ESRRG: variants seen among roughly 807,000 people sequenced by gnomAD.
ESRRG encodes estrogen related receptor gamma.
A neutral mutation model predicts 44.0 loss-of-function variants in ESRRG; 13 were observed. That is an observed-to-expected ratio of 0.30 (90% CI 0.19 to 0.47). ESRRG has a LOEUF of 0.47. Ranked by LOEUF, ESRRG falls within the 20% of genes least tolerant of loss-of-function variation. The probability of loss-of-function intolerance (pLI) is 1.00; values close to 1 mark genes in which losing one functional copy is unlikely to be tolerated. For synonymous variants in ESRRG, 215 were observed against 214.6 expected, an observed-to-expected ratio of 1.00 and a Z score of -0.02; for missense variants, 395 against 580.6, an observed-to-expected ratio of 0.68 and a Z score of 3.29.
At chr1:216,840,919 T>C (rs1220795195) in intron 2 of ESRRG, among the ~76,000 whole-genome samples, 2 of 151,956 alleles carry the variant, frequency 1.3e-5, no homozygotes, top group Non-Finnish European at 2.9e-5. Flanking sequence ...ATAATAATAA[T>C]GGGAAAGTTT....
chr1:216,887,417 C>T (rs1386366490), intron 2 of ESRRG, among the ~76,000 whole-genome samples: 2 of 152,174 alleles, frequency 1.3e-5, no homozygotes, highest in African/African-American at 2.4e-5. Flanking sequence ...TTCTGAGACT[C>T]TCTATGCTAG....
chr1:216,769,642 G>T (rs984102734), intron 2 of ESRRG, among the ~76,000 whole-genome samples: 3 of 152,040 alleles, frequency 2.0e-5, no homozygotes, highest in Non-Finnish European at 2.9e-5. Context: ...CTTCAATAGA[G>T]TGAGAAAAAA....
chr1:216,524,239 A>G (rs1416778204), intron 5 of ESRRG, among the ~76,000 whole-genome samples: 1 of 134,310 alleles, frequency 7.4e-6, no homozygotes, highest in East Asian at 2.3e-4. Context: ...ACATATATAT[A>G]TATATGTAAG....
intron 1 of ESRRG, among the ~76,000 whole-genome samples, chr1:216,944,502 A>C (rs905130548): frequency 2.0e-5 from 3 of 152,238 alleles, no homozygotes; most frequent in African/African-American, 7.2e-5. Context: ...ATTCAAAGTC[A>C]GAATACTATT....
At chr1:217,067,920 G>A (rs889677740) in intron 1 of ESRRG, among the ~76,000 whole-genome samples, 4 of 152,066 alleles carry the variant, frequency 2.6e-5, no homozygotes, top group Non-Finnish European at 5.9e-5. Flanking sequence ...GGTATTAGTC[G>A]CTTTGATGAA....
chr1:217,081,203 A>C (rs904046788), intron 1 of ESRRG, among the ~76,000 whole-genome samples: 6 of 146,064 alleles, frequency 4.1e-5, no homozygotes, highest in Admixed American at 3.4e-4. Flanking sequence ...TTATCAGTGA[A>C]TTATAGATAA....
chr1:216,843,858 A>C (rs1484780981), intron 2 of ESRRG, among the ~76,000 whole-genome samples: 1 of 141,394 alleles, frequency 7.1e-6, no homozygotes, highest in African/African-American at 2.8e-5. Context: ...TCACTTTCTC[A>C]TTCTTTCTTC....
chr1:216,749,339 G>T (rs1445113303), intron 2 of ESRRG, among the ~76,000 whole-genome samples: 1 of 152,054 alleles, frequency 6.6e-6, no homozygotes, highest in Non-Finnish European at 1.5e-5. Context: ...AGCTGCTTCT[G>T]CTAAGCTGTT....
chr1:216,692,312 A>ATGTG (rs56856888), intron 1 of ESRRG, among the ~76,000 whole-genome samples: 1 of 147,592 alleles, frequency 6.8e-6, no homozygotes, highest in African/African-American at 2.5e-5. Context: ...AGGCTAGTGT[A>ATGTG]TGTGTGTGTG....
chr1:216,549,061 ATCTCTCAATGACTATTT>A (rs1219601287), intron 5 of ESRRG, among the ~76,000 whole-genome samples: 1 of 152,120 alleles, frequency 6.6e-6, no homozygotes, highest in Non-Finnish European at 1.5e-5. Context: ...ACAAACTAGA[ATCTCTCAATGACTATTT>A]CAAGTGCCAC....
chr1:216,989,419 C>A (rs1390595545), intron 1 of ESRRG, among the ~76,000 whole-genome samples: 1 of 120,510 alleles, frequency 8.3e-6, no homozygotes, highest in Non-Finnish European at 1.6e-5. Flanking sequence ...ATGGTAGAGA[C>A]TCTGTCTCAA....
intron 5 of ESRRG, among the ~76,000 whole-genome samples, chr1:216,536,563 G>C (rs1343497297): frequency 6.6e-6 from 1 of 151,902 alleles, no homozygotes; most frequent in African/African-American, 2.4e-5. Flanking sequence ...TTTTCTTCTA[G>C]ATCTGTATTA....
At chr1:216,944,731 C>A (rs1220846361) in intron 1 of ESRRG, among the ~76,000 whole-genome samples, 1 of 152,126 alleles carries the variant, frequency 6.6e-6, no homozygotes, top group Non-Finnish European at 1.5e-5. Flanking sequence ...TTCTACCAAC[C>A]ATATCTGCCT....
At chr1:216,821,687 G>GAAA (rs1251334274) in intron 2 of ESRRG, among the ~76,000 whole-genome samples, 3,827 of 54,168 alleles carry the variant, frequency 0.071, 678 homozygotes, top group Non-Finnish European at 0.093. Flanking sequence ...CCTGCCTCAG[G>GAAA]AAAAATAAAT....
Position 216,827,703 on chromosome 1 carries a change from G to A in ESRRG, c.-14+111879C>T, listed in dbSNP as rs911052378. On this transcript the variant is annotated intron_variant, in intron 2 of 7. Transcript: ENST00000359162. ...CAAATGAAAGAAAGGGTATGCAATG[G>A]TGCATACAGTATCAAGTAGGATGTA... Among the ~76,000 whole-genome samples the A allele has an allele frequency of 2.6e-5, 4 of 152,142 alleles. No individual in the cohort carries two copies. In the South Asian group the frequency reaches 8.3e-4, roughly 32 times the overall value.
chr1:216,861,387 A>G (rs1490984517), intron 2 of ESRRG, among the ~76,000 whole-genome samples: 1 of 152,064 alleles, frequency 6.6e-6, no homozygotes, highest in Non-Finnish European at 1.5e-5. Flanking sequence ...TCCAATACAA[A>G]TAAATGCTAA....
At chr1:216,998,201 T>A (rs11572447) in intron 1 of ESRRG, among the ~76,000 whole-genome samples, 3,295 of 152,270 alleles carry the variant, frequency 0.022, 46 homozygotes, top group Non-Finnish European at 0.031. Flanking sequence ...TTGTTTCTGA[T>A]AATAAAATGC....
intron 1 of ESRRG, among the ~76,000 whole-genome samples, chr1:216,718,117 CAGT>C (rs1462050302): frequency 2.0e-5 from 3 of 151,840 alleles, no homozygotes; most frequent in African/African-American, 7.2e-5. Context: ...GTCTAACACA[CAGT>C]AGTTAAGTAA....
intron 1 of ESRRG, among the ~76,000 whole-genome samples, chr1:217,100,357 T>C (rs1006889459): frequency 6.6e-6 from 1 of 152,168 alleles, no homozygotes; most frequent in Non-Finnish European, 1.5e-5. Context: ...GGGCTGGAAA[T>C]GGGAGTTTGT....
Sources: allele counts gnomAD v4.1 joint callset (sites outside exome capture counted in the v4.1 genomes callset), GRCh38; gene constraint gnomAD v4.1.1; transcripts MANE v1.5; gene names NCBI Gene and HGNC (gene_info 2026-07-23, HGNC 2026-07-21).